Variants in SLC16A7 observed in about 807,000 individuals in gnomAD.
The protein encoded by SLC16A7 is monocarboxylate transporter 2.
A neutral mutation model predicts 34.9 loss-of-function variants in SLC16A7; 33 were observed. The observed-to-expected ratio is 0.94, with a 90% CI of 0.72 to 1.26. SLC16A7 has a LOEUF of 1.26. SLC16A7 is among the 50% of genes most tolerant of loss of function. The pLI is 0.00. For missense variants in SLC16A7, 573 were observed against 578.1 expected (o/e 0.99, Z 0.09); for synonymous variants, 201 against 206.6 (o/e 0.97, Z 0.23).
chr12:59,706,597 TA>T (rs1873611086), intron 3 of SLC16A7, among the ~76,000 whole-genome samples: 1 of 152,138 alleles, frequency 6.6e-6, no homozygotes, highest in Non-Finnish European at 1.5e-5. Context: ...ACAGTTGCTT[TA>T]TAGATTGTAA....
intron 2 of SLC16A7, among the ~76,000 whole-genome samples, chr12:59,656,896 G>A (rs896024708): frequency 1.5e-4 from 23 of 151,924 alleles, no homozygotes; most frequent in Admixed American, 9.9e-4. Flanking sequence ...TACAGAATAT[G>A]GATCTTGGAG....
At chr12:59,676,717 G>T (rs1870343036) in intron 2 of SLC16A7, among the ~76,000 whole-genome samples, 1 of 152,044 alleles carries the variant, frequency 6.6e-6, no homozygotes, top group Non-Finnish European at 1.5e-5. Flanking sequence ...AAAATGGAGG[G>T]AGTACAGATA....
chr12:59,721,101 T>C (rs1430406098), intron 3 of SLC16A7, among the ~76,000 whole-genome samples: 2 of 152,036 alleles, frequency 1.3e-5, no homozygotes, highest in Non-Finnish European at 2.9e-5. Context: ...GAAATGCTGC[T>C]TGGTAACCAT....
At chr12:59,609,908 T>C (rs1374420188) in intron 1 of SLC16A7, among the ~76,000 whole-genome samples, 1 of 152,176 alleles carries the variant, frequency 6.6e-6, no homozygotes, top group Non-Finnish European at 1.5e-5. Flanking sequence ...GTAACAAACT[T>C]GGTGCTAAGT....
chr12:59,659,208 G>GCACACACA (rs111940721), intron 2 of SLC16A7, among the ~76,000 whole-genome samples: 29 of 149,530 alleles, frequency 1.9e-4, no homozygotes, highest in African/African-American at 6.4e-4. Context: ...GCATGTGCAC[G>GCACACACA]CACACACACA....
chr12:59,726,553 G>A (rs11173125), intron 3 of SLC16A7, among the ~76,000 whole-genome samples: 2 of 152,204 alleles, frequency 1.3e-5, no homozygotes, highest in East Asian at 3.9e-4. Flanking sequence ...ATTGAATTAT[G>A]TGGTCTAAAA....
intron 4 of SLC16A7, among the ~76,000 whole-genome samples, chr12:59,773,513 G>A (rs1382442716): frequency 6.6e-6 from 1 of 151,340 alleles, no homozygotes; most frequent in African/African-American, 2.4e-5. Flanking sequence ...GTAATTCCTA[G>A]TTTAAGGGAA....
chr12:59,748,400 G>A (rs1045489262), intron 3 of SLC16A7, among the ~76,000 whole-genome samples: 5 of 152,158 alleles, frequency 3.3e-5, no homozygotes, highest in African/African-American at 1.2e-4. Context: ...TGTTGCTACT[G>A]TGCTGGGCTA....
intron 2 of SLC16A7, among the ~76,000 whole-genome samples, chr12:59,672,199 TAC>T: frequency 3.8e-5 from 2 of 53,128 alleles, no homozygotes; most frequent in Non-Finnish European, 9.2e-5. Flanking sequence ...TACGTATATA[TAC>T]ATATATACGT....
chr12:59,748,145 A>G (rs1879099233), intron 3 of SLC16A7, among the ~76,000 whole-genome samples: 1 of 152,136 alleles, frequency 6.6e-6, no homozygotes, highest in South Asian at 2.1e-4. Flanking sequence ...GATTGGTAGA[A>G]GTGGAGAGGC....
chr12:59,653,418 C>T (rs1868384958), intron 1 of SLC16A7, among the ~76,000 whole-genome samples: 1 of 151,292 alleles, frequency 6.6e-6, no homozygotes, highest in African/African-American at 2.4e-5. Flanking sequence ...AGCAAAAATA[C>T]CAATTTGTCA....
intron 1 of SLC16A7, among the ~76,000 whole-genome samples, chr12:59,648,495 T>C (rs1159977693): frequency 6.6e-6 from 1 of 152,150 alleles, no homozygotes; most frequent in African/African-American, 2.4e-5. Flanking sequence ...GAGGAATAAA[T>C]ATTGTTGCCA....
At chr12:59,725,675 T>TAAA (rs552021691) in intron 3 of SLC16A7, among the ~76,000 whole-genome samples, 121 of 152,276 alleles carry the variant, frequency 7.9e-4, no homozygotes, top group African/African-American at 2.9e-3. Flanking sequence ...TTATCCTACC[T>TAAA]GGTGAATAAT....
intron 1 of SLC16A7, among the ~76,000 whole-genome samples, chr12:59,608,683 T>C (rs1049589852): frequency 1.3e-5 from 2 of 152,228 alleles, no homozygotes; most frequent in Admixed American, 6.5e-5. Flanking sequence ...CCATTAAATT[T>C]CTAAGTAATA....
At chr12:59,746,814 T>G (rs58060278) in intron 3 of SLC16A7, among the ~76,000 whole-genome samples, 2,923 of 152,278 alleles carry the variant, frequency 0.019, 98 homozygotes, top group African/African-American at 0.066. Flanking sequence ...CAATAGTGTG[T>G]TTTTTTACTG....
intron 1 of SLC16A7, among the ~76,000 whole-genome samples, chr12:59,634,750 A>T (rs1035865337): frequency 6.6e-6 from 1 of 152,092 alleles, no homozygotes; most frequent in Non-Finnish European, 1.5e-5. Context: ...TAAGAGTCTG[A>T]ATAAAGTTTG....
chr12:59,622,596 G>A (rs1288938340), intron 1 of SLC16A7, among the ~76,000 whole-genome samples: 1 of 151,586 alleles, frequency 6.6e-6, no homozygotes, highest in African/African-American at 2.4e-5. Flanking sequence ...TATTTCCATT[G>A]TGATTTTTTG....
At chr12:59,690,714 A>T (rs1037579399) in intron 2 of SLC16A7, among the ~76,000 whole-genome samples, 13 of 151,994 alleles carry the variant, frequency 8.6e-5, no homozygotes, top group African/African-American at 2.9e-4. Context: ...TTATAGATAT[A>T]AATTTCCCTT....
At chr12:59,684,359 G>T (rs1290905478) in intron 2 of SLC16A7, among the ~76,000 whole-genome samples, 1 of 152,186 alleles carries the variant, frequency 6.6e-6, no homozygotes, top group African/African-American at 2.4e-5. Context: ...CTCTAGGACA[G>T]AAAAGAAAGG....
Sources: allele counts gnomAD v4.1 joint callset (sites outside exome capture counted in the v4.1 genomes callset), GRCh38; gene constraint gnomAD v4.1.1; transcripts MANE v1.5; gene names NCBI Gene and HGNC (gene_info 2026-07-23, HGNC 2026-07-21).